The following PAFAH1B1 variants were observed in gnomAD, a reference collection of about 807,000 sequenced individuals.
The protein encoded by PAFAH1B1 is platelet-activating factor acetylhydrolase IB subunit beta.
Under a neutral mutation model 57.5 loss-of-function variants are expected in PAFAH1B1, and 2 were observed. That is an observed-to-expected ratio of 0.03 (90% CI 0.01 to 0.11). The LOEUF is 0.11. Among genes scored for constraint, PAFAH1B1 ranks in the 10% least tolerant of loss-of-function variants. The pLI is 1.00. For synonymous variants in PAFAH1B1, 152 were observed against 169.6 expected (o/e 0.90, Z 0.81); for missense variants, 257 against 512.0 (o/e 0.50, Z 4.81).
At chr17:2,653,768 A>G (rs879636940) in intron 2 of PAFAH1B1, among the ~76,000 whole-genome samples, 3 of 152,120 alleles carry the variant, frequency 2.0e-5, no homozygotes, top group Non-Finnish European at 4.4e-5. Context: ...ATTTTCATTG[A>G]TTGTCAAAGT....
intron 1 of PAFAH1B1, among the ~76,000 whole-genome samples, chr17:2,602,541 A>C (rs988441056): frequency 3.9e-5 from 6 of 152,090 alleles, no homozygotes; most frequent in African/African-American, 1.4e-4. Context: ...CCTTCTATCC[A>C]TACTTACCAT....
In PAFAH1B1 at chr17:2,660,225, C is replaced by CT. The variant is rs1025714688; in HGVS notation, c.33-5134dup. ...TGCAAGCTTAGCCTTTTCAGTGTAT[C>CT]TTTTTTTTTTTTTAATTTTTATTTT... On this transcript the variant is annotated intron_variant, in intron 2 of 10. Coordinates refer to ENST00000397195, the MANE Select transcript of PAFAH1B1 (RefSeq NM_000430.4). Among the ~76,000 whole-genome samples the CT allele has an allele frequency of 4.1e-3, 600 of 145,248 alleles. 1 individual carries two copies. The highest frequency in any genetic ancestry group is 0.01 in the East Asian group (50 of 4,982).
chr17:2,649,912 A>G (rs922474614), intron 2 of PAFAH1B1, among the ~76,000 whole-genome samples: 4 of 152,232 alleles, frequency 2.6e-5, no homozygotes, highest in African/African-American at 7.2e-5. Flanking sequence ...GAAATTTAGC[A>G]TGGGATAAGG....
intron 2 of PAFAH1B1, among the ~76,000 whole-genome samples, chr17:2,662,518 C>T (rs2069032143): frequency 6.6e-6 from 1 of 151,410 alleles, no homozygotes; most frequent in Non-Finnish European, 1.5e-5. Context: ...ATTCTCCTGC[C>T]TCAGCCTCCC....
chr17:2,608,778 G>C (rs2068234278), intron 1 of PAFAH1B1, among the ~76,000 whole-genome samples: 1 of 152,156 alleles, frequency 6.6e-6, no homozygotes, highest in Non-Finnish European at 1.5e-5. Flanking sequence ...AAAATGATTT[G>C]TTTGTTTTTG....
intron 2 of PAFAH1B1, among the ~76,000 whole-genome samples, chr17:2,651,499 C>A (rs1445393206): frequency 1.3e-5 from 2 of 151,172 alleles, no homozygotes; most frequent in Non-Finnish European, 2.9e-5. Flanking sequence ...GCAGGAGAAC[C>A]TCTTGAGCCT....
intron 1 of PAFAH1B1, among the ~76,000 whole-genome samples, chr17:2,598,078 C>A (rs1257435206): frequency 6.6e-6 from 1 of 151,836 alleles, no homozygotes; most frequent in Non-Finnish European, 1.5e-5. Context: ...GAAACCCCGT[C>A]TCTACTAAAA....
At chr17:2,646,390 G>A (rs1158582061) in intron 2 of PAFAH1B1, among the ~76,000 whole-genome samples, 1 of 151,636 alleles carries the variant, frequency 6.6e-6, no homozygotes, top group Non-Finnish European at 1.5e-5. Context: ...TGAGAGTACG[G>A]TATCCTATTA....
chr17:2,621,602 TC>T (rs2068421685), intron 1 of PAFAH1B1, among the ~76,000 whole-genome samples: 4 of 99,238 alleles, frequency 4.0e-5, no homozygotes, highest in African/African-American at 2.5e-4. Flanking sequence ...TGGTAGATAA[TC>T]TGTCTTTTTT....
chr17:2,604,025 C>T (rs2068175919), intron 1 of PAFAH1B1, among the ~76,000 whole-genome samples: 1 of 151,926 alleles, frequency 6.6e-6, no homozygotes, highest in Admixed American at 6.6e-5. Context: ...CGTGAGCCAT[C>T]GCGCCTGGCC....
chr17:2,677,992 C>T (rs1440925049), intron 9 of PAFAH1B1, among the ~76,000 whole-genome samples: 1 of 152,104 alleles, frequency 6.6e-6, no homozygotes, highest in Non-Finnish European at 1.5e-5. Context: ...CGCAGTGGCT[C>T]ACTCCTGCAA....
At chr17:2,652,110 ATATGTAC>A (rs945328513) in intron 2 of PAFAH1B1, among the ~76,000 whole-genome samples, 2 of 151,480 alleles carry the variant, frequency 1.3e-5, no homozygotes, top group Non-Finnish European at 2.9e-5. Context: ...TGACTTAACA[ATATGTAC>A]TTAACATTTC....
intron 2 of PAFAH1B1, among the ~76,000 whole-genome samples, chr17:2,654,683 C>T (rs147021278): frequency 0.011 from 1,721 of 152,126 alleles, 33 homozygotes; most frequent in African/African-American, 0.04. Context: ...GCTCTGTTAC[C>T]GAGGCTGGAG....
chr17:2,618,058 C>G (rs1035045760), intron 1 of PAFAH1B1, among the ~76,000 whole-genome samples: 5 of 152,004 alleles, frequency 3.3e-5, no homozygotes, highest in Non-Finnish European at 7.4e-5. Context: ...AGCAGCCTGC[C>G]CAACATGGTG....
At chr17:2,664,662 A>ATCGC (rs1192789429) in intron 2 of PAFAH1B1, among the ~76,000 whole-genome samples, 47 of 90,340 alleles carry the variant, frequency 5.2e-4, no homozygotes, top group African/African-American at 1.9e-3. Context: ...ATATCTATCT[A>ATCGC]TCGCTCTCTC....
At chr17:2,638,566 G>A (rs1012846234) in intron 2 of PAFAH1B1, 7 of 442,188 alleles carry the variant, frequency 1.6e-5, no homozygotes, top group African/African-American at 1.4e-4. Flanking sequence ...GGAGTGCAAT[G>A]GCGCCATCTC....
intron 2 of PAFAH1B1, among the ~76,000 whole-genome samples, chr17:2,651,723 G>T (rs2068852455): frequency 6.6e-6 from 1 of 152,104 alleles, no homozygotes. Flanking sequence ...TTTGATTTGG[G>T]AATGGAGTGA....
intron 1 of PAFAH1B1, among the ~76,000 whole-genome samples, chr17:2,605,569 G>C (rs888871369): frequency 1.3e-5 from 2 of 152,108 alleles, no homozygotes; most frequent in African/African-American, 4.8e-5. Context: ...CTGTGATTCA[G>C]CTTTGGGAAG....
At chr17:2,646,436 TGAG>T in intron 2 of PAFAH1B1, among the ~76,000 whole-genome samples, 1 of 151,614 alleles carries the variant, frequency 6.6e-6, no homozygotes, top group South Asian at 2.1e-4. Flanking sequence ...GTGGATCACT[TGAG>T]GTCAGGAGTT....
Sources: gnomAD v4.1 joint callset for allele counts (sites outside exome capture counted in the v4.1 genomes callset) on GRCh38, gnomAD v4.1.1 for gene constraint, MANE v1.5 for transcripts, NCBI Gene and HGNC (gene_info 2026-07-23, HGNC 2026-07-21) for gene names.